Variants in ACTA2 observed in about 807,000 individuals in gnomAD.
The protein encoded by ACTA2 is actin alpha 2, smooth muscle.
A neutral mutation model predicts 39.5 loss-of-function variants in ACTA2; 12 were observed. That is an observed-to-expected ratio of 0.30 (90% CI 0.19 to 0.49). The LOEUF (loss-of-function observed/expected upper bound fraction) is 0.49, where lower values mean the gene tolerates loss of function less well. ACTA2 is among the 20% of genes least tolerant of loss of function. The pLI is 0.99. For missense variants in ACTA2, 236 were observed against 498.8 expected (o/e 0.47, Z 5.02); for synonymous variants, 158 against 180.6 (o/e 0.88, Z 1.00).
At chr10:88,952,119 T>C (rs530887230) in intron 1 of ACTA2, among the ~76,000 whole-genome samples, 2 of 152,354 alleles carry the variant, frequency 1.3e-5, no homozygotes, top group East Asian at 3.9e-4. Context: ...ACCAATGATG[T>C]AGATCCAAAC....
exon 1 of ACTA2, chr10:88,991,175 T>C: frequency 1.7e-6 from 1 of 582,984 alleles, no homozygotes; most frequent in African/African-American, 1.9e-5. Flanking sequence ...GCGGGGCAGC[T>C]CCGGCGCTCC....
chr10:88,951,612 A>C (rs1222553812), intron 1 of ACTA2, among the ~76,000 whole-genome samples: 1 of 152,224 alleles, frequency 6.6e-6, no homozygotes. Context: ...TCAGTGGTTT[A>C]CAGCTCCTCT....
At chr10:88,967,756 T>C (rs946144017) in intron 1 of ACTA2, among the ~76,000 whole-genome samples, 1 of 152,178 alleles carries the variant, frequency 6.6e-6, no homozygotes, top group African/African-American at 2.4e-5. Flanking sequence ...AATCTGTGAA[T>C]TACATCAGCA....
chr10:88,938,547 T>C (rs1845789051), intron 7 of ACTA2: 1 of 370,974 alleles, frequency 2.7e-6, no homozygotes, highest in Non-Finnish European at 5.2e-6. Flanking sequence ...GCCTTCCAAT[T>C]CCCTGCAAAG....
chr10:88,984,458 CAT>C (rs915704938), intron 1 of ACTA2, among the ~76,000 whole-genome samples: 4 of 152,214 alleles, frequency 2.6e-5, no homozygotes, highest in Non-Finnish European at 4.4e-5. Flanking sequence ...ACACTAGTGT[CAT>C]ATGTCAAGTG....
rs140217067 is a variant in ACTA2 at position 88,943,423 on chromosome 10, G to A, written c.369+374C>T. Reference sequence around the variant, plus strand: ...TGAGAAATTAACGGAGTTCTTTAAGGTCACATAACTGATAAGTGGCAGATC... The same window carrying A: ...TGAGAAATTAACGGAGTTCTTTAAGATCACATAACTGATAAGTGGCAGATC... On this transcript the variant is annotated intron_variant, in intron 4 of 8. Coordinates refer to ENST00000224784, the MANE Select transcript of ACTA2 (RefSeq NM_001613.4). Among the ~76,000 whole-genome samples the A allele has an allele frequency of 4.6e-5, 7 of 152,200 alleles. 1 individual carries two copies. The highest frequency in any genetic ancestry group is 1.3e-4 in the Admixed American group (2 of 15,284).
chr10:88,981,493 G>A (rs907602707), intron 1 of ACTA2, among the ~76,000 whole-genome samples: 3 of 151,954 alleles, frequency 2.0e-5, no homozygotes, highest in Non-Finnish European at 2.9e-5. Flanking sequence ...TTTTGGGTGA[G>A]GTCTAGACTA....
At chr10:88,988,031 A>G (rs1039175457) in intron 1 of ACTA2, among the ~76,000 whole-genome samples, 3 of 152,044 alleles carry the variant, frequency 2.0e-5, no homozygotes, top group Non-Finnish European at 2.9e-5. Flanking sequence ...TAACTTTTTC[A>G]TGGGTCTCCA....
chr10:88,943,519 G>T (rs1196527870), intron 4 of ACTA2, among the ~76,000 whole-genome samples: 1 of 152,220 alleles, frequency 6.6e-6, no homozygotes, highest in Non-Finnish European at 1.5e-5. Context: ...GCATTTTGAA[G>T]TGACTTCTCC....
upstream of ACTA2, among the ~76,000 whole-genome samples, chr10:88,952,966 C>T (rs959971532): frequency 6.6e-6 from 1 of 152,274 alleles, no homozygotes; most frequent in Non-Finnish European, 1.5e-5. Context: ...CACTGGTCTG[C>T]TCATGAAACG....
intron 1 of ACTA2, among the ~76,000 whole-genome samples, chr10:88,949,879 T>C (rs1846019439): frequency 6.6e-6 from 1 of 152,154 alleles, no homozygotes; most frequent in African/African-American, 2.4e-5. Context: ...TATTTTCCCA[T>C]GGTTCTGTCA....
intron 8 of ACTA2, among the ~76,000 whole-genome samples, chr10:88,936,194 A>G (rs921702941): frequency 3.3e-5 from 5 of 152,230 alleles, no homozygotes; most frequent in African/African-American, 1.2e-4. Flanking sequence ...ATATGAGGAA[A>G]CAGAGGCTGA....
intron 1 of ACTA2, among the ~76,000 whole-genome samples, chr10:88,979,329 C>T (rs1054005968): frequency 1.3e-5 from 2 of 152,226 alleles, no homozygotes; most frequent in South Asian, 2.1e-4. Context: ...CCAGCCTTGG[C>T]TCCTAGGAAG....
intron 1 of ACTA2, among the ~76,000 whole-genome samples, chr10:88,982,292 C>T (rs7082720): frequency 0.55 from 83,643 of 152,060 alleles, 24,545 homozygotes; most frequent in African/African-American, 0.77. Context: ...CTGGCTCATA[C>T]TAAGTGATCT....
intron 1 of ACTA2, among the ~76,000 whole-genome samples, chr10:88,973,014 T>C (rs1290680729): frequency 2.0e-5 from 3 of 152,340 alleles, no homozygotes; most frequent in Admixed American, 1.3e-4. Flanking sequence ...TAAAGCAAAA[T>C]TGAAACCATT....
chr10:88,976,892 C>T (rs192623991), intron 1 of ACTA2, among the ~76,000 whole-genome samples: 56 of 152,272 alleles, frequency 3.7e-4, no homozygotes, highest in African/African-American at 8.9e-4. Flanking sequence ...CAAACCAATG[C>T]TGATGTTTGT....
chr10:88,960,445 C>G (rs1231210830), intron 1 of ACTA2, among the ~76,000 whole-genome samples: 3 of 152,034 alleles, frequency 2.0e-5, no homozygotes, highest in African/African-American at 7.3e-5. Context: ...AGTGAATAAA[C>G]ATAGAATTGT....
At chr10:88,987,205 A>G (rs1846925252) in intron 1 of ACTA2, among the ~76,000 whole-genome samples, 1 of 152,380 alleles carries the variant, frequency 6.6e-6, no homozygotes, top group Admixed American at 6.5e-5. Context: ...AGCAGTCTAC[A>G]GAATTGTTTA....
chr10:88,975,860 T>C (rs1589420143), intron 1 of ACTA2, among the ~76,000 whole-genome samples: 1 of 152,272 alleles, frequency 6.6e-6, no homozygotes, highest in East Asian at 1.9e-4. Context: ...TAGTGCACTA[T>C]CAGTATACAG....
Sources: allele counts gnomAD v4.1 joint callset (sites outside exome capture counted in the v4.1 genomes callset), GRCh38; gene constraint gnomAD v4.1.1; transcripts MANE v1.5; gene names NCBI Gene and HGNC (gene_info 2026-07-23, HGNC 2026-07-21).